CNTNAP2: variants seen among roughly 807,000 people sequenced by gnomAD.
CNTNAP2 encodes the protein contactin-associated protein-like 2.
CNTNAP2 carries 98 observed loss-of-function variants against 155.2 expected under a neutral mutation model. The observed-to-expected ratio is 0.63, with a 90% confidence interval of 0.54 to 0.75. The LOEUF is 0.75. CNTNAP2 is among the 30% of genes least tolerant of loss of function. The pLI, the probability that CNTNAP2 is intolerant of heterozygous loss-of-function variation, is 0.00. For missense variants in CNTNAP2, 1,727 were observed against 1,688.1 expected, an observed-to-expected ratio of 1.02 and a Z score of -0.40; for synonymous variants, 651 against 631.2, an observed-to-expected ratio of 1.03 and a Z score of -0.47.
At chr7:146,510,340 G>A in intron 1 of CNTNAP2, among the ~76,000 whole-genome samples, 1 of 152,176 alleles carries the variant, frequency 6.6e-6, no homozygotes, top group African/African-American at 2.4e-5. Flanking sequence ...TGTCTGCCTT[G>A]GCCTACTCAT....
At chr7:148,387,933 C>T (rs1026452352) in intron 22 of CNTNAP2, among the ~76,000 whole-genome samples, 3 of 152,078 alleles carry the variant, frequency 2.0e-5, no homozygotes, top group Non-Finnish European at 4.4e-5. Context: ...AGATTGACTT[C>T]TGGTCATCCT....
intron 4 of CNTNAP2, among the ~76,000 whole-genome samples, chr7:147,047,010 C>T (rs1284162159): frequency 1.2e-4 from 15 of 124,952 alleles, no homozygotes; most frequent in East Asian, 7.1e-4. Context: ...CCAACCTGGG[C>T]GACAGAGCCA....
intron 1 of CNTNAP2, among the ~76,000 whole-genome samples, chr7:146,383,702 GT>G (rs1795422071): frequency 6.6e-6 from 1 of 152,038 alleles, no homozygotes; most frequent in Non-Finnish European, 1.5e-5. Flanking sequence ...TATTAGTTTT[GT>G]TTTTATAATT....
At chr7:147,148,176 G>A (rs1014804733) in intron 8 of CNTNAP2, among the ~76,000 whole-genome samples, 4 of 151,804 alleles carry the variant, frequency 2.6e-5, no homozygotes, top group Admixed American at 6.6e-5. Flanking sequence ...GGATCATGAG[G>A]TCAGGAGATC....
intron 3 of CNTNAP2, among the ~76,000 whole-genome samples, chr7:146,996,623 G>C (rs1009497493): frequency 6.6e-6 from 1 of 152,026 alleles, no homozygotes; most frequent in African/African-American, 2.4e-5. Context: ...AGTCTTTAGA[G>C]TTTTCTATAA....
At chr7:147,779,958 T>G (rs1797639658) in intron 13 of CNTNAP2, among the ~76,000 whole-genome samples, 1 of 152,238 alleles carries the variant, frequency 6.6e-6, no homozygotes, top group Non-Finnish European at 1.5e-5. Context: ...AGTATGAGAC[T>G]AGGTAGAGTG....
intron 9 of CNTNAP2, among the ~76,000 whole-genome samples, chr7:147,395,062 A>G (rs1265647592): frequency 6.6e-6 from 1 of 151,944 alleles, no homozygotes; most frequent in Non-Finnish European, 1.5e-5. Flanking sequence ...TATAAATTAA[A>G]AAAAGGCATC....
intron 13 of CNTNAP2, among the ~76,000 whole-genome samples, chr7:147,895,502 C>T (rs1405149018): frequency 2.0e-5 from 3 of 152,130 alleles, no homozygotes; most frequent in Non-Finnish European, 4.4e-5. Flanking sequence ...ACTTAGAATG[C>T]CATTCATCAT....
intron 1 of CNTNAP2, among the ~76,000 whole-genome samples, chr7:146,419,335 T>A (rs1487025321): frequency 1.3e-5 from 2 of 151,978 alleles, no homozygotes; most frequent in African/African-American, 4.8e-5. Flanking sequence ...CCCACAACAC[T>A]TGGGAATTAT....
chr7:146,601,555 A>G (rs909931693), intron 1 of CNTNAP2, among the ~76,000 whole-genome samples: 1 of 152,130 alleles, frequency 6.6e-6, no homozygotes, highest in African/African-American at 2.4e-5. Context: ...ATCCATATTT[A>G]TGTTAATATA....
chr7:146,453,754 AC>A (rs1191747775), intron 1 of CNTNAP2, among the ~76,000 whole-genome samples: 3 of 152,228 alleles, frequency 2.0e-5, no homozygotes, highest in Admixed American at 2.0e-4. Flanking sequence ...CTCTGATTTA[AC>A]TTCTAGAGAT....
At chr7:146,128,558 A>G (rs1477703658) in intron 1 of CNTNAP2, among the ~76,000 whole-genome samples, 2 of 152,174 alleles carry the variant, frequency 1.3e-5, no homozygotes, top group Non-Finnish European at 2.9e-5. Context: ...AGTCGCTACT[A>G]CTTTTATAGA....
At chr7:148,016,377 C>T (rs1479959683) in intron 15 of CNTNAP2, among the ~76,000 whole-genome samples, 2 of 152,204 alleles carry the variant, frequency 1.3e-5, no homozygotes, top group African/African-American at 2.4e-5. Flanking sequence ...CATGTGCCTT[C>T]TCCTACTGTG....
chr7:147,563,201 A>G (rs1187878104), intron 12 of CNTNAP2, among the ~76,000 whole-genome samples: 3 of 152,150 alleles, frequency 2.0e-5, no homozygotes, highest in African/African-American at 7.2e-5. Flanking sequence ...TAATGAGAAT[A>G]CCCACCTCAT....
At chr7:148,344,260 A>G (rs1231892469) in intron 21 of CNTNAP2, among the ~76,000 whole-genome samples, 2 of 152,124 alleles carry the variant, frequency 1.3e-5, no homozygotes, top group Non-Finnish European at 1.5e-5. Flanking sequence ...GACTTAGTTG[A>G]TAATATGGAG....
chr7:146,188,530 G>A (rs1346865053), intron 1 of CNTNAP2, among the ~76,000 whole-genome samples: 1 of 152,132 alleles, frequency 6.6e-6, no homozygotes, highest in Non-Finnish European at 1.5e-5. Flanking sequence ...TTCCTTCTGT[G>A]TCCTGCAACA....
chr7:148,035,068 G>T (rs916696156), intron 15 of CNTNAP2, among the ~76,000 whole-genome samples: 1 of 152,010 alleles, frequency 6.6e-6, no homozygotes, highest in Non-Finnish European at 1.5e-5. Flanking sequence ...TGAAGGAGTT[G>T]CATGGTTACT....
intron 13 of CNTNAP2, among the ~76,000 whole-genome samples, chr7:147,866,550 G>A (rs530952891): frequency 1.3e-5 from 2 of 152,306 alleles, no homozygotes; most frequent in African/African-American, 4.8e-5. Flanking sequence ...TTGTGTGGGA[G>A]TATAAGTCTC....
intron 3 of CNTNAP2, among the ~76,000 whole-genome samples, chr7:146,988,512 A>G (rs1405305133): frequency 1.3e-5 from 2 of 152,154 alleles, no homozygotes; most frequent in Non-Finnish European, 2.9e-5. Flanking sequence ...TGTATTTGGT[A>G]TGATTCGAGA....
Sources: allele counts gnomAD v4.1 joint callset (sites outside exome capture counted in the v4.1 genomes callset), GRCh38; gene constraint gnomAD v4.1.1; transcripts MANE v1.5; gene names NCBI Gene and HGNC (gene_info 2026-07-23, HGNC 2026-07-21).